The following RHOBTB2 variants were observed in gnomAD, a reference collection of about 807,000 sequenced individuals.
RHOBTB2 encodes Rho related BTB domain containing 2.
A neutral mutation model predicts 66.5 loss-of-function variants in RHOBTB2; 39 were observed. That is an observed-to-expected ratio of 0.59 (90% CI 0.45 to 0.77). The LOEUF is 0.77. RHOBTB2 is among the 30% of genes least tolerant of loss of function. The probability of loss-of-function intolerance (pLI) is 0.00; values close to 1 mark genes in which losing one functional copy is unlikely to be tolerated. For synonymous variants in RHOBTB2, 390 were observed against 395.0 expected (o/e 0.99, Z 0.15); for missense variants, 755 against 999.1 (o/e 0.76, Z 3.29).
At chr8:22,978,758 C>A in the RHOBTB2 span, among the ~76,000 whole-genome samples, 1,422 of 151,696 alleles carry the variant, frequency 9.4e-3, 25 homozygotes, top group African/African-American at 0.033. Flanking sequence ...AAATCATTTA[C>A]GAGTAAATAT....
Position 23,006,566 on chromosome 8 carries a change from T to A in RHOBTB2, c.483-162T>A. On this transcript the variant is annotated intron_variant, in intron 4 of 9. Transcript: ENST00000251822. The surrounding 1 kb of genome is among the most constrained non-coding windows in gnomAD (Gnocchi z 6.1). ...TTTCTGGAAGAAAAAGGGCTTGGAG[T>A]GGACCTTGAAGGAGCTTGATGGGAT... 1 of 691,684 alleles carries A rather than the reference T, an allele frequency of 1.4e-6. No homozygotes were observed. 42.8% of individuals were successfully genotyped at this position (691,684 alleles called of 1,614,324 possible).
chr8:23,017,534 C>T lies in RHOBTB2; in HGVS notation c.*65C>T. 6.5e-7 allele frequency: 1 copy of T among 1,542,844 alleles called. No individual in the cohort carries two copies. The highest frequency in any genetic ancestry group is 8.8e-7 in the Non-Finnish European group (1 of 1,142,316). ...CATCCGCCTTCACCCCTCTGCTCTT[C>T]CGCATCACCCCATCCACCTTACAGG... On this transcript the variant is annotated 3_prime_UTR_variant, in exon 10 of 10. Transcript: ENST00000251822. This position sits in a 1 kb window ranked among gnomAD's most constrained non-coding sequence, Gnocchi z 5.3.
chr8:22,952,095 G>T, the RHOBTB2 span, among the ~76,000 whole-genome samples: 1 of 152,130 alleles, frequency 6.6e-6, no homozygotes, highest in African/African-American at 2.4e-5. Flanking sequence ...TACAGGGCAA[G>T]CTTATCTAAC....
chr8:22,971,652 G>A, the RHOBTB2 span, among the ~76,000 whole-genome samples: 2 of 152,184 alleles, frequency 1.3e-5, no homozygotes, highest in African/African-American at 4.8e-5. Flanking sequence ...GAACTTCTGT[G>A]CAGCATTTGA....
Position 23,006,770 on chromosome 8 carries a change from G to A in RHOBTB2, c.525G>A (p.Arg175=). The change falls in exon 5 of 10, where the codon CGG becomes CGA. Residue 175 remains arginine (R), a synonymous_variant. Coordinates refer to ENST00000251822, the MANE Select transcript of RHOBTB2 (RefSeq NM_015178.3). The surrounding 1 kb of genome is among the most constrained non-coding windows in gnomAD (Gnocchi z 6.1). ...PNEILPPEKG[R]EVAKELGIPY... ...AAATCCTGCCCCCAGAGAAGGGTCG[G>A]GAGGTGGCCAAGGAGCTGGGCATCC... 6.2e-7 allele frequency: 1 copy of A among 1,614,018 alleles called. No homozygotes were observed. Among genetic ancestry groups the A allele is most frequent in the Non-Finnish European group, 8.5e-7 (1 of 1,179,984 alleles).
chr8:23,006,448 C>T lies in RHOBTB2; in HGVS notation c.483-280C>T. On this transcript the variant is annotated intron_variant, in intron 4 of 9. Coordinates refer to ENST00000251822, the MANE Select transcript of RHOBTB2 (RefSeq NM_015178.3). This position sits in a 1 kb window ranked among gnomAD's most constrained non-coding sequence, Gnocchi z 6.1. ...TAAATATGTGAGCATGTTAAATACC[C>T]ATGTGAAGCATTGCCTGCTAATTGC... The T allele has an allele frequency of 1.8e-6, 1 of 565,122 alleles. No individual in the cohort carries two copies. The highest frequency in any genetic ancestry group is 3.1e-6 in the Non-Finnish European group (1 of 318,496). The allele number at this position is 565,122 out of a possible 1,614,324, so 35.0% of individuals were successfully genotyped here.
At chr8:22,995,797 G>C (rs1337568322), upstream of RHOBTB2, 5 of 1,523,872 alleles carry the variant, frequency 3.3e-6, no homozygotes, top group Non-Finnish European at 4.5e-6. Flanking sequence ...GGCAGGGGAT[G>C]GGGGGCGGAG....
intron 1 of RHOBTB2, among the ~76,000 whole-genome samples, chr8:22,989,762 A>C (rs990891557): frequency 5.3e-5 from 8 of 152,216 alleles, no homozygotes; most frequent in Non-Finnish European, 1.2e-4. Context: ...CTCATCTGTA[A>C]GATAAAGAGG....
chr8:22,983,141 C>T (rs578007518), upstream of RHOBTB2, among the ~76,000 whole-genome samples: 1 of 152,112 alleles, frequency 6.6e-6, no homozygotes, highest in South Asian at 2.1e-4. Flanking sequence ...CTGTGTACAC[C>T]CCAATTACTG....
At chr8:22,969,571 G>A in the RHOBTB2 span, among the ~76,000 whole-genome samples, 1 of 152,100 alleles carries the variant, frequency 6.6e-6, no homozygotes, top group Non-Finnish European at 1.5e-5. Flanking sequence ...AACGAAGCCA[G>A]GTACATTTTG....
At chr8:22,998,907 A>T (rs1336202225), upstream of RHOBTB2, 2 of 152,136 alleles carry the variant, frequency 1.3e-5, no homozygotes, top group African/African-American at 4.8e-5. Flanking sequence ...TACTCACTTC[A>T]TGGTGTTTCT....
intron 2 of RHOBTB2, 89 bp from the exon 3 acceptor site, chr8:23,005,283 C>G (rs1236723603): frequency 1.1e-6 from 1 of 942,610 alleles, no homozygotes; most frequent in Non-Finnish European, 1.7e-6. Flanking sequence ...CTGGGGCCCC[C>G]AGGTGTCAGC....
the RHOBTB2 span, among the ~76,000 whole-genome samples, chr8:22,961,702 T>A: frequency 6.6e-6 from 1 of 152,096 alleles, no homozygotes; most frequent in African/African-American, 2.4e-5. Context: ...GGCTCTGAGG[T>A]TGTCTTTGAG....
rs922428399 is a variant in RHOBTB2 at position 23,018,202 on chromosome 8, C to G, written c.*733C>G. On this transcript the variant is annotated 3_prime_UTR_variant, in exon 10 of 10. Transcript: ENST00000251822. ...TCTCCCTCACCCCCTCCTTTACCCT[C>G]AGATTTGGAGATGGTAACCAAAGGA... The G allele has an allele frequency of 2.6e-5, 4 of 152,510 alleles. No homozygotes were observed. Among genetic ancestry groups the G allele is most frequent in the African/African-American group, 4.8e-5 (2 of 41,456 alleles). 9.4% of individuals were successfully genotyped at this position (152,510 alleles called of 1,614,324 possible).
At chr8:22,972,659 C>T in the RHOBTB2 span, among the ~76,000 whole-genome samples, 251 of 152,284 alleles carry the variant, frequency 1.6e-3, 1 homozygote, top group African/African-American at 5.9e-3. Context: ...CAGAGGCGCT[C>T]GGAGCAGGCT....
At chr8:22,986,173 G>A (rs1321553055), upstream of RHOBTB2, among the ~76,000 whole-genome samples, 4 of 142,344 alleles carry the variant, frequency 2.8e-5, no homozygotes, top group East Asian at 2.0e-4. Flanking sequence ...TCTCTCTTTC[G>A]TATTTAACTG....
Position 23,007,346 on chromosome 8 carries a change from C to G in RHOBTB2, c.1101C>G (p.Ser367Arg), listed in dbSNP as rs772408810. 6.2e-7 allele frequency: 1 copy of G among 1,613,566 alleles called. No homozygotes were observed. The highest frequency in any genetic ancestry group is 2.2e-5 in the East Asian group (1 of 44,874). The change falls in exon 5 of 10, where the codon AGC becomes AGG. Residue 367 changes from serine (S) to arginine (R), a missense_variant. Physicochemically the swap from Ser to Arg is moderately radical, Grantham distance 110. This residue lies in a region of RHOBTB2 where 247 missense variants were observed against 238.9 expected (regional missense o/e 1.03). Transcript: ENST00000251822. Reference protein sequence around the residue: ...SGPAGLRASTSDGILRGNGTG... With the variant: ...SGPAGLRASTRDGILRGNGTG... The stretch of plus-strand genomic sequence containing the variant: ...CTGCTGGCCTCCGTGCTTCCACCAG[C>G]GACGGGATCTTACGGGGCAACGGAA...
intron 2 of RHOBTB2, among the ~76,000 whole-genome samples, chr8:22,994,312 A>T (rs1347753825): frequency 6.6e-6 from 1 of 152,226 alleles, no homozygotes; most frequent in East Asian, 1.9e-4. Context: ...TGCCTGAGGC[A>T]CATGATGCAC....
rs556313696 is a variant in RHOBTB2, at chr8:23,013,333, C to T, written c.1772-1357C>T. ...ACCAGAAGTCCTCCACCTCTCCCTC[C>T]TCTCTCACAGACCCCTCTCTCCTCC... is the stretch of plus-strand genomic sequence containing the variant. On this transcript the variant is annotated intron_variant, in intron 7 of 9. Transcript: ENST00000251822. Among the ~76,000 whole-genome samples the T allele has an allele frequency of 1.9e-3, 296 of 152,154 alleles. 5 individuals are homozygous for T. Among genetic ancestry groups the T allele is most frequent in the Non-Finnish European group, 3.2e-3 (220 of 68,034 alleles).
Sources: gnomAD v4.1 joint callset for allele counts (sites outside exome capture counted in the v4.1 genomes callset) on GRCh38, gnomAD v4.1.1 for gene constraint, gnomAD v4.1.1 regional missense constraint, Gnocchi (gnomAD v3.1) non-coding constraint, MANE v1.5 for transcripts, NCBI Gene and HGNC (gene_info 2026-07-23, HGNC 2026-07-21) for gene names.